The following RBPMS variants were observed in gnomAD, a reference collection of about 807,000 sequenced individuals.
The protein encoded by RBPMS is RNA binding protein, mRNA processing factor, also known as RNA-binding protein with multiple splicing.
In RBPMS, 7 loss-of-function variants were observed where a neutral mutation model predicts 26.8. The ratio of observed to expected loss-of-function variants is 0.26; its 90% CI spans 0.15 to 0.49. The LOEUF (loss-of-function observed/expected upper bound fraction) is 0.49, where lower values mean the gene tolerates loss of function less well. RBPMS is among the 20% of genes least tolerant of loss of function. RBPMS has a pLI of 0.98. For synonymous variants in RBPMS, 96 were observed against 93.3 expected, an observed-to-expected ratio of 1.03 and a Z score of -0.17; for missense variants, 186 against 250.0, an observed-to-expected ratio of 0.74 and a Z score of 1.73.
chr8:30,393,235 CAT>C (rs1379157350), intron 1 of RBPMS, among the ~76,000 whole-genome samples: 4 of 151,904 alleles, frequency 2.6e-5, no homozygotes, highest in Admixed American at 2.0e-4. Flanking sequence ...TGGTCTTTCT[CAT>C]ATGCTTTTTT....
intron 1 of RBPMS, among the ~76,000 whole-genome samples, chr8:30,451,158 G>T (rs1814537970): frequency 6.6e-6 from 1 of 152,172 alleles, no homozygotes; most frequent in Non-Finnish European, 1.5e-5. Context: ...TGTAGTAGAA[G>T]TAGGTGGACT....
intron 1 of RBPMS, among the ~76,000 whole-genome samples, chr8:30,432,599 T>G (rs1316342612): frequency 6.6e-6 from 1 of 152,188 alleles, no homozygotes; most frequent in East Asian, 1.9e-4. Flanking sequence ...GTAGTTATAT[T>G]GAAAAAAGAT....
intron 5 of RBPMS, among the ~76,000 whole-genome samples, chr8:30,504,975 T>G (rs1046569969): frequency 1.3e-5 from 2 of 152,266 alleles, no homozygotes; most frequent in East Asian, 1.9e-4. Context: ...CAGTAAAACT[T>G]TAAGGAAATT....
chr8:30,422,603 T>C (rs1348368403), intron 1 of RBPMS, among the ~76,000 whole-genome samples: 2 of 152,110 alleles, frequency 1.3e-5, no homozygotes, highest in Admixed American at 1.3e-4. Flanking sequence ...TGCGCCTCAT[T>C]TAGGCATGAG....
intron 6 of RBPMS, chr8:30,547,356 T>A: frequency 6.2e-7 from 1 of 1,613,942 alleles, no homozygotes; most frequent in Non-Finnish European, 8.5e-7. Flanking sequence ...CAAATTAGAT[T>A]TGTCTCTGGG....
intron 6 of RBPMS, among the ~76,000 whole-genome samples, chr8:30,549,742 C>CTTTCCTTTTCT (rs139991132): frequency 6.9e-6 from 1 of 143,960 alleles, no homozygotes; most frequent in Admixed American, 6.8e-5. Flanking sequence ...TTCTTTCTTT[C>CTTTCCTTTTCT]TTTCTTTCCT....
At chr8:30,444,324 G>A (rs574885280) in intron 1 of RBPMS, among the ~76,000 whole-genome samples, 165 of 152,280 alleles carry the variant, frequency 1.1e-3, no homozygotes, top group African/African-American at 3.7e-3. Context: ...TACACTAAGC[G>A]GGATAAATTA....
At chr8:30,535,740 C>T (rs1292827963) in intron 5 of RBPMS, among the ~76,000 whole-genome samples, 1 of 152,126 alleles carries the variant, frequency 6.6e-6, no homozygotes, top group Non-Finnish European at 1.5e-5. Context: ...GGATGATTCC[C>T]AGTGTTGTTA....
chr8:30,535,275 T>C (rs1201978719), intron 5 of RBPMS, among the ~76,000 whole-genome samples: 1 of 152,242 alleles, frequency 6.6e-6, no homozygotes, highest in Non-Finnish European at 1.5e-5. Context: ...TAATTTTAAC[T>C]AACTTTTCTT....
intron 5 of RBPMS, among the ~76,000 whole-genome samples, chr8:30,511,756 C>G (rs976078300): frequency 1.3e-5 from 2 of 149,898 alleles, no homozygotes; most frequent in Non-Finnish European, 3.0e-5. Flanking sequence ...CCCGGGAGGC[C>G]GAGGTTGCAG....
At position 30,512,640 on chromosome 8, in the gene RBPMS, T is replaced by A. The variant is rs548424920; in HGVS notation, c.397+8204T>A. The stretch of plus-strand genomic sequence containing the variant: ...CTCCTGGCTAGTTTAAAAAAAAAAA[T>A]TTGTAGAGATGGGATCTCGCTGTGT... On this transcript the variant is annotated intron_variant, in intron 5 of 8. Transcript: ENST00000397323. 5.3e-5 allele frequency among the ~76,000 whole-genome samples: 8 copies of A among 152,122 alleles called. No homozygotes were observed. In the South Asian group the frequency reaches 8.3e-4, roughly 16 times the overall value.
chr8:30,433,043 C>T (rs1184565054), intron 1 of RBPMS, among the ~76,000 whole-genome samples: 1 of 152,176 alleles, frequency 6.6e-6, no homozygotes, highest in African/African-American at 2.4e-5. Context: ...ATAGACCCCT[C>T]TTTCAGTCTA....
chr8:30,427,538 C>A (rs1037267213), intron 1 of RBPMS, among the ~76,000 whole-genome samples: 2 of 152,206 alleles, frequency 1.3e-5, no homozygotes, highest in African/African-American at 4.8e-5. Context: ...CAAATGGAAG[C>A]CTCGCTGAAC....
At chr8:30,486,438 A>G (rs927865637) in intron 4 of RBPMS, among the ~76,000 whole-genome samples, 1 of 151,448 alleles carries the variant, frequency 6.6e-6, no homozygotes, top group African/African-American at 2.4e-5. Flanking sequence ...GCTGGCCAAC[A>G]TGGTGAAACC....
intron 4 of RBPMS, among the ~76,000 whole-genome samples, chr8:30,486,762 G>A (rs111408549): frequency 0.014 from 2,066 of 152,326 alleles, 32 homozygotes; most frequent in Non-Finnish European, 0.019. Flanking sequence ...ATGAACCAGT[G>A]TATATTCCAA....
At chr8:30,423,916 C>A (rs1811084658) in intron 1 of RBPMS, among the ~76,000 whole-genome samples, 1 of 152,028 alleles carries the variant, frequency 6.6e-6, no homozygotes, top group Admixed American at 6.6e-5. Flanking sequence ...TGGCTCACTG[C>A]AACCTCTGCC....
chr8:30,508,804 AGTTT>A (rs760479002), intron 5 of RBPMS, among the ~76,000 whole-genome samples: 3 of 152,168 alleles, frequency 2.0e-5, no homozygotes, highest in Admixed American at 6.5e-5. Context: ...TCATTTGGTT[AGTTT>A]GTCATAATAC....
intron 1 of RBPMS, among the ~76,000 whole-genome samples, chr8:30,466,655 C>T (rs974142058): frequency 1.1e-4 from 16 of 148,336 alleles, no homozygotes; most frequent in Admixed American, 8.2e-4. Flanking sequence ...AGTGCAGTGG[C>T]GCAATCTCGG....
intron 1 of RBPMS, among the ~76,000 whole-genome samples, chr8:30,389,523 G>C (rs564083046): frequency 6.6e-6 from 1 of 152,226 alleles, no homozygotes; most frequent in Non-Finnish European, 1.5e-5. Context: ...GTAAATTAGT[G>C]TAGCTTTTCA....
Sources: gnomAD v4.1 joint callset for allele counts (sites outside exome capture counted in the v4.1 genomes callset) on GRCh38, gnomAD v4.1.1 for gene constraint, MANE v1.5 for transcripts, NCBI Gene and HGNC (gene_info 2026-07-23, HGNC 2026-07-21) for gene names.